RNF130: variants seen among roughly 807,000 people sequenced by gnomAD.
RNF130 encodes ring finger protein 130.
RNF130 carries 21 observed loss-of-function variants against 44.6 expected under a neutral mutation model. The ratio of observed to expected loss-of-function variants is 0.47; its 90% CI spans 0.33 to 0.68. The LOEUF (loss-of-function observed/expected upper bound fraction) is 0.68. Among genes scored for constraint, RNF130 ranks in the 30% least tolerant of loss-of-function variants. RNF130 has a pLI of 0.02. For synonymous variants in RNF130, 214 were observed against 210.4 expected, an observed-to-expected ratio of 1.02 and a Z score of -0.15; for missense variants, 479 against 560.6, an observed-to-expected ratio of 0.85 and a Z score of 1.47.
At chr5:179,957,191 C>T (rs984450857) in intron 8 of RNF130, among the ~76,000 whole-genome samples, 1 of 152,156 alleles carries the variant, frequency 6.6e-6, no homozygotes, top group Non-Finnish European at 1.5e-5. Context: ...GTGGGTGGAT[C>T]ACCTGAGGTC....
At chr5:180,056,918 G>C (rs1437665311) in intron 1 of RNF130, among the ~76,000 whole-genome samples, 2 of 152,072 alleles carry the variant, frequency 1.3e-5, no homozygotes, top group Non-Finnish European at 2.9e-5. Flanking sequence ...GTCACAAGAA[G>C]GCATACCGTG....
chr5:179,921,968 C>T (rs748358832), intron 7 of RNF130, among the ~76,000 whole-genome samples: 6 of 151,522 alleles, frequency 4.0e-5, no homozygotes, highest in East Asian at 1.9e-4. Context: ...TTGCAGTGAG[C>T]GGAGATTGCA....
downstream of RNF130, among the ~76,000 whole-genome samples, chr5:179,950,956 A>C (rs551041500): frequency 1.2e-3 from 190 of 152,320 alleles, 1 homozygote; most frequent in African/African-American, 4.3e-3. Flanking sequence ...CTATACCATG[A>C]ATCTACGAAA....
At chr5:179,981,136 G>A (rs1295518051) in intron 3 of RNF130, among the ~76,000 whole-genome samples, 1 of 151,848 alleles carries the variant, frequency 6.6e-6, no homozygotes, top group Non-Finnish European at 1.5e-5. Context: ...TCCAGGCAAA[G>A]TAATAATCTA....
At chr5:179,912,110 G>GA (rs762814025) in exon 8 of RNF130, 2 of 152,182 alleles carry the variant, frequency 1.3e-5, no homozygotes, top group Non-Finnish European at 2.9e-5. Flanking sequence ...GCTATAGTTA[G>GA]AAAAATAGTT....
rs137922168 is a variant in RNF130, at chr5:179,939,661, T to C, written c.1151-19235A>G. 7.7e-4 allele frequency: 357 copies of C among 466,232 alleles called. 4 individuals carry two copies. The East Asian group carries it at 0.019, about 24-fold the overall frequency. 28.9% of individuals were successfully genotyped at this position (466,232 alleles called of 1,614,324 possible). A position where few individuals can be genotyped will look rare whatever the true frequency, so the allele number is the denominator to read the frequency against. ...TGGAAGAGAATGAAGTGAGGCCCTG[T>C]GACCTAGTGATCCAAATGAAGAAAA... On this transcript the variant is annotated intron_variant, in intron 7 of 7. Transcript: ENST00000522208.
At position 179,918,377 on chromosome 5, in the gene RNF130, T is replaced by C. The variant is rs1161800462; in HGVS notation, c.*1940A>G. On this transcript the variant is annotated 3_prime_UTR_variant, in exon 8 of 8. Coordinates refer to the RNF130 transcript ENST00000522208. ...TGAGTGGAATTTAACGTATACACAT[T>C]GGTAAGACCTCAAATCAGGAGAAAA... 3.3e-5 allele frequency: 5 copies of C among 152,248 alleles called. No homozygotes were observed. The East Asian group carries it at 5.8e-4, about 18-fold the overall frequency. The allele number at this position is 152,248 out of a possible 1,614,324, so 9.4% of individuals were successfully genotyped here. A position where few individuals can be genotyped will look rare whatever the true frequency, so the allele number is the denominator to read the frequency against.
chr5:179,935,752 T>C (rs1761881990), intron 7 of RNF130, among the ~76,000 whole-genome samples: 1 of 150,442 alleles, frequency 6.6e-6, no homozygotes, highest in Non-Finnish European at 1.5e-5. Context: ...ATGCTTTTAG[T>C]GGCTATGCTG....
At chr5:179,957,963 C>T (rs1192358439) in intron 8 of RNF130, among the ~76,000 whole-genome samples, 1 of 151,240 alleles carries the variant, frequency 6.6e-6, no homozygotes, top group Non-Finnish European at 1.5e-5. Flanking sequence ...CTGCAAGCTC[C>T]GCCTCCCGGG....
At chr5:179,976,910 C>G (rs762723021) in intron 5 of RNF130, 1 of 152,132 alleles carries the variant, frequency 6.6e-6, no homozygotes, top group Non-Finnish European at 1.5e-5. Flanking sequence ...AGGTGATTTC[C>G]TATTTATCCA....
intron 8 of RNF130, among the ~76,000 whole-genome samples, chr5:179,962,410 C>T (rs1762352811): frequency 6.6e-6 from 1 of 152,180 alleles, no homozygotes; most frequent in Admixed American, 6.5e-5. Context: ...TCAATTACAT[C>T]AACTGCATGA....
chr5:180,020,710 T>C (rs1049796935), intron 2 of RNF130, among the ~76,000 whole-genome samples: 1 of 152,156 alleles, frequency 6.6e-6, no homozygotes, highest in Non-Finnish European at 1.5e-5. Flanking sequence ...ATCTCTTGAC[T>C]GTATGTCAAG....
chr5:179,986,078 A>G (rs1194045680), intron 3 of RNF130, among the ~76,000 whole-genome samples: 2 of 152,218 alleles, frequency 1.3e-5, no homozygotes, highest in East Asian at 3.8e-4. Flanking sequence ...AAGTTGTCAT[A>G]TAATGACTTT....
intron 3 of RNF130, among the ~76,000 whole-genome samples, chr5:180,012,510 T>C (rs1763616203): frequency 6.6e-6 from 1 of 152,102 alleles, no homozygotes. Context: ...TCAACCAAAA[T>C]AGATGCGCTG....
intron 1 of RNF130, among the ~76,000 whole-genome samples, chr5:180,061,280 A>AC (rs1561712820): frequency 6.6e-6 from 1 of 152,172 alleles, no homozygotes; most frequent in African/African-American, 2.4e-5. Flanking sequence ...GGAAAAAACC[A>AC]CAACAACTGA....
intron 7 of RNF130, among the ~76,000 whole-genome samples, chr5:179,931,706 C>T (rs1582126340): frequency 6.6e-6 from 1 of 151,310 alleles, no homozygotes. Flanking sequence ...ACCTGGGAGG[C>T]GGAGGTTGCA....
intron 1 of RNF130, among the ~76,000 whole-genome samples, chr5:180,043,029 G>A (rs1764462937): frequency 6.6e-6 from 1 of 152,198 alleles, no homozygotes; most frequent in East Asian, 1.9e-4. Context: ...CAAGAGTAAT[G>A]CTTTCTGGCC....
chr5:179,972,361 T>C (rs1189796630), intron 5 of RNF130, among the ~76,000 whole-genome samples: 1 of 152,200 alleles, frequency 6.6e-6, no homozygotes, highest in Non-Finnish European at 1.5e-5. Context: ...TACGGACCTA[T>C]GCACTGGGTT....
At chr5:179,965,757 A>G (rs1390948913) in intron 7 of RNF130, among the ~76,000 whole-genome samples, 3 of 152,212 alleles carry the variant, frequency 2.0e-5, no homozygotes, top group Admixed American at 2.0e-4. Context: ...AGCTGAATGA[A>G]GCCTCCCTGA....
Sources: allele counts gnomAD v4.1 joint callset (sites outside exome capture counted in the v4.1 genomes callset), GRCh38; gene constraint gnomAD v4.1.1; transcripts MANE v1.5; gene names NCBI Gene and HGNC (gene_info 2026-07-23, HGNC 2026-07-21).